Variants in FHIT observed in about 807,000 individuals in gnomAD.
FHIT encodes the protein fragile histidine triad diadenosine triphosphatase, also known as bis(5'-adenosyl)-triphosphatase.
Under a neutral mutation model 17.9 loss-of-function variants are expected in FHIT, and 19 were observed. That is an observed-to-expected ratio of 1.06 (90% CI 0.74 to 1.56). The LOEUF is 1.56. FHIT is among the 40% of genes most tolerant of loss of function. The pLI, the probability that FHIT is intolerant of heterozygous loss-of-function variation, is 0.00. For synonymous variants in FHIT, 81 were observed against 69.7 expected (o/e 1.16, Z -0.81); for missense variants, 248 against 189.2 (o/e 1.31, Z -1.82).
intron 7 of FHIT, among the ~76,000 whole-genome samples, chr3:59,950,703 A>G (rs1216503125): frequency 1.3e-5 from 2 of 152,264 alleles, no homozygotes; most frequent in East Asian, 1.9e-4. Flanking sequence ...TGTAGCCTCC[A>G]GGAGGGAAAT....
chr3:59,981,019 A>G (rs1708630754), intron 7 of FHIT, among the ~76,000 whole-genome samples: 1 of 152,166 alleles, frequency 6.6e-6, no homozygotes, highest in African/African-American at 2.4e-5. Context: ...GTATCTATAG[A>G]CAAAGCATCT....
chr3:60,418,188 C>T lies in FHIT; in HGVS notation c.103+118672G>A, dbSNP rs531527829. Among the ~76,000 whole-genome samples the T allele has an allele frequency of 5.5e-4, 84 of 151,748 alleles. No homozygotes were observed. The Middle Eastern group carries it at 0.01, about 18-fold the overall frequency. ...TTTAGATGGCAGAATGCACTAAAAC[C>T]TCGCTTTATGTCTCAAACTAAAACT... On this transcript the variant is annotated intron_variant, in intron 5 of 9. Coordinates refer to ENST00000492590, the MANE Select transcript of FHIT (RefSeq NM_002012.4).
chr3:60,600,100 C>G (rs2038395261), intron 4 of FHIT, among the ~76,000 whole-genome samples: 1 of 152,084 alleles, frequency 6.6e-6, no homozygotes, highest in African/African-American at 2.4e-5. Flanking sequence ...GGTAGGGCTG[C>G]CATTCACATC....
intron 5 of FHIT, among the ~76,000 whole-genome samples, chr3:60,221,831 AT>A (rs1367619176): frequency 6.6e-6 from 1 of 151,160 alleles, no homozygotes; most frequent in Non-Finnish European, 1.5e-5. Context: ...TGTAGCAACC[AT>A]TTTTTCCCAA....
chr3:60,846,286 G>A lies in FHIT; in HGVS notation c.-110-24275C>T, dbSNP rs1868219. 8.4e-3 allele frequency among the ~76,000 whole-genome samples: 1,274 copies of A among 152,308 alleles called. 20 individuals are homozygous for A. The highest frequency in any genetic ancestry group is 0.028 in the African/African-American group (1,162 of 41,560). Reference sequence around the variant, plus strand: ...AATGATATCTGTCTCTAAAAAAGATGTACCACAAAGCAAGAGCATATGTGA... The same window carrying A: ...AATGATATCTGTCTCTAAAAAAGATATACCACAAAGCAAGAGCATATGTGA... On this transcript the variant is annotated intron_variant, in intron 3 of 9. Coordinates refer to ENST00000492590, the MANE Select transcript of FHIT (RefSeq NM_002012.4).
chr3:61,159,957 A>C (rs2107087792), intron 2 of FHIT, among the ~76,000 whole-genome samples: 1 of 152,310 alleles, frequency 6.6e-6, no homozygotes, highest in South Asian at 2.1e-4. Context: ...AGTTAAAAAG[A>C]CTGTGCCTTG....
chr3:61,106,972 T>C (rs1012058274), intron 2 of FHIT, among the ~76,000 whole-genome samples: 10 of 152,194 alleles, frequency 6.6e-5, no homozygotes, highest in Non-Finnish European at 1.2e-4. Flanking sequence ...CACATCATTT[T>C]TTATAGTGAG....
chr3:61,202,309 T>G (rs568125968), intron 1 of FHIT, among the ~76,000 whole-genome samples: 10 of 150,314 alleles, frequency 6.7e-5, no homozygotes, highest in Admixed American at 6.6e-4. Context: ...GTCCGGGAAG[T>G]GAGGAGCGCC....
chr3:61,212,959 A>C (rs963569733), intron 1 of FHIT, among the ~76,000 whole-genome samples: 8 of 152,222 alleles, frequency 5.3e-5, no homozygotes, highest in Admixed American at 1.3e-4. Context: ...AAATGCTGAG[A>C]GATTTTCTCA....
intron 7 of FHIT, among the ~76,000 whole-genome samples, chr3:59,930,396 C>T (rs1471020479): frequency 1.3e-5 from 2 of 152,140 alleles, no homozygotes; most frequent in Non-Finnish European, 2.9e-5. Context: ...TGCTGCTGAA[C>T]CGAAAGTTCA....
At chr3:60,777,728 G>A (rs115429752) in intron 4 of FHIT, among the ~76,000 whole-genome samples, 3,403 of 152,172 alleles carry the variant, frequency 0.022, 118 homozygotes, top group African/African-American at 0.078. Context: ...TTTTTTCCTT[G>A]TTATGCCACA....
intron 8 of FHIT, among the ~76,000 whole-genome samples, chr3:59,915,937 GAA>G (rs68033255): frequency 1.4e-5 from 2 of 142,346 alleles, no homozygotes; most frequent in African/African-American, 2.6e-5. Flanking sequence ...GTCTCTTAGG[GAA>G]AAAAAAAAAA....
At chr3:61,237,859 G>T (rs779233567) in intron 1 of FHIT, among the ~76,000 whole-genome samples, 1 of 152,144 alleles carries the variant, frequency 6.6e-6, no homozygotes, top group Non-Finnish European at 1.5e-5. Context: ...GAGTCCTCAG[G>T]GTCAGATAAT....
At chr3:60,053,544 G>A (rs1701967223) in intron 5 of FHIT, among the ~76,000 whole-genome samples, 1 of 151,858 alleles carries the variant, frequency 6.6e-6, no homozygotes, top group Non-Finnish European at 1.5e-5. Flanking sequence ...CAGAGAGAAA[G>A]AGCCACACAA....
intron 7 of FHIT, among the ~76,000 whole-genome samples, chr3:59,926,814 A>G (rs535250997): frequency 6.6e-6 from 1 of 152,354 alleles, no homozygotes; most frequent in East Asian, 1.9e-4. Flanking sequence ...AATAATCAAA[A>G]GACACACAAT....
At chr3:59,799,107 T>TC in intron 8 of FHIT, among the ~76,000 whole-genome samples, 1 of 60,044 alleles carries the variant, frequency 1.7e-5, no homozygotes, top group East Asian at 3.7e-4. Context: ...TCTACTTAAA[T>TC]ATTTTTTAAC....
chr3:60,038,269 C>T (rs1207768702), intron 5 of FHIT, among the ~76,000 whole-genome samples: 2 of 152,080 alleles, frequency 1.3e-5, no homozygotes, highest in Middle Eastern at 3.2e-3. Flanking sequence ...ATCTTTCTTA[C>T]TTGATTCAAC....
chr3:61,204,342 T>G (rs1050773472), intron 1 of FHIT, among the ~76,000 whole-genome samples: 1 of 152,142 alleles, frequency 6.6e-6, no homozygotes, highest in Non-Finnish European at 1.5e-5. Flanking sequence ...GGACAATCAG[T>G]TTATTATTTT....
intron 3 of FHIT, among the ~76,000 whole-genome samples, chr3:60,906,858 T>C (rs1553764690): frequency 6.6e-6 from 1 of 152,144 alleles, no homozygotes; most frequent in Non-Finnish European, 1.5e-5. Context: ...AAATAAGACA[T>C]ATAATTTACT....
Sources: gnomAD v4.1 joint callset for allele counts (sites outside exome capture counted in the v4.1 genomes callset) on GRCh38, gnomAD v4.1.1 for gene constraint, MANE v1.5 for transcripts, NCBI Gene and HGNC (gene_info 2026-07-23, HGNC 2026-07-21) for gene names.